Variants in EXOC6B observed in about 807,000 individuals in gnomAD.
The protein encoded by EXOC6B is SEC15 homolog B.
Under a neutral mutation model 113.5 loss-of-function variants are expected in EXOC6B, and 54 were observed. The observed-to-expected ratio is 0.48, with a 90% CI of 0.38 to 0.60. EXOC6B has a LOEUF of 0.60. Ranked by LOEUF, EXOC6B falls within the 20% of genes least tolerant of loss-of-function variation. EXOC6B has a pLI of 0.00. For missense variants in EXOC6B, 797 were observed against 977.5 expected, an observed-to-expected ratio of 0.82 and a Z score of 2.46; for synonymous variants, 357 against 339.0, an observed-to-expected ratio of 1.05 and a Z score of -0.58.
chr2:72,318,398 A>AT (rs558172381), intron 20 of EXOC6B, among the ~76,000 whole-genome samples: 149 of 146,488 alleles, frequency 1.0e-3, no homozygotes, highest in South Asian at 2.4e-3. Context: ...CTAGTTGTTA[A>AT]TTTTTTTTTT....
intron 6 of EXOC6B, among the ~76,000 whole-genome samples, chr2:72,650,359 T>C (rs1674071454): frequency 6.6e-6 from 1 of 152,162 alleles, no homozygotes; most frequent in South Asian, 2.1e-4. Context: ...CCCAGCACTT[T>C]GGGAGGCAGA....
intron 1 of EXOC6B, among the ~76,000 whole-genome samples, chr2:72,803,354 A>G (rs1685403618): frequency 6.6e-6 from 1 of 152,122 alleles, no homozygotes; most frequent in Non-Finnish European, 1.5e-5. Flanking sequence ...CCACACAATG[A>G]CAGAATCACA....
At chr2:72,371,546 C>T (rs1691017819) in intron 19 of EXOC6B, among the ~76,000 whole-genome samples, 1 of 152,256 alleles carries the variant, frequency 6.6e-6, no homozygotes, top group East Asian at 1.9e-4. Context: ...ACAAGTCAAT[C>T]AATGTGATAC....
rs985524326 is a variant in EXOC6B at position 72,438,072 on chromosome 2, T to C, written c.1980+27088A>G. Among the ~76,000 whole-genome samples, 5 of 152,296 alleles carry C rather than the reference T, an allele frequency of 3.3e-5. No homozygotes were observed. The East Asian group carries it at 9.6e-4, about 29-fold the overall frequency. ...ACATTAGGTACTCAATAAATGTTTA[T>C]TGAACTAAATTGAAAGCAGTGAACT... On this transcript the variant is annotated intron_variant, in intron 18 of 21. Coordinates refer to ENST00000272427, the MANE Select transcript of EXOC6B (RefSeq NM_015189.3).
In EXOC6B at chr2:72,765,286, CAA is replaced by C. The variant is rs1405799943; in HGVS notation, c.114-23819_114-23818del. Among the ~76,000 whole-genome samples the C allele has an allele frequency of 4.0e-5, 6 of 151,308 alleles. No individual in the cohort carries two copies. The South Asian group carries it at 1.3e-3, about 32-fold the overall frequency. On this transcript the variant is annotated intron_variant, in intron 1 of 21. Transcript: ENST00000272427. The stretch of plus-strand genomic sequence containing the variant: ...AGGGCAACAGAGCAACACCCTCTCT[CAA>C]AAAAAAATTTAAAATAAAAATAAAT...
chr2:72,725,584 G>A (rs1452374114), intron 5 of EXOC6B, among the ~76,000 whole-genome samples: 1 of 152,074 alleles, frequency 6.6e-6, no homozygotes, highest in Non-Finnish European at 1.5e-5. Flanking sequence ...TAGGGATGGG[G>A]TTTCACCATG....
chr2:72,225,049 G>A (rs1040559212), intron 20 of EXOC6B, among the ~76,000 whole-genome samples: 8 of 134,304 alleles, frequency 6.0e-5, no homozygotes, highest in Middle Eastern at 3.8e-3. Context: ...ATGGGGTTTC[G>A]CCATGTTGTC....
intron 6 of EXOC6B, among the ~76,000 whole-genome samples, chr2:72,598,291 A>G (rs1670201361): frequency 6.6e-6 from 1 of 152,114 alleles, no homozygotes; most frequent in African/African-American, 2.4e-5. Flanking sequence ...ATATTTTGAG[A>G]TTAAACAACA....
At chr2:72,657,063 C>A (rs180911828) in intron 6 of EXOC6B, among the ~76,000 whole-genome samples, 76 of 152,072 alleles carry the variant, frequency 5.0e-4, no homozygotes, top group Admixed American at 4.2e-3. Flanking sequence ...GTTGGTCAGG[C>A]TGATCTTGAA....
intron 19 of EXOC6B, among the ~76,000 whole-genome samples, chr2:72,377,876 A>AAT (rs973915570): frequency 5.3e-5 from 8 of 152,222 alleles, no homozygotes; most frequent in Admixed American, 2.0e-4. Flanking sequence ...TATATGAAGT[A>AAT]ATATATATAT....
rs560007043 is a variant in EXOC6B, at chr2:72,656,845, CTTATT to C, written c.669+61253_669+61257del. 3.8e-3 allele frequency among the ~76,000 whole-genome samples: 584 copies of C among 152,084 alleles called. 3 individuals are homozygous for C. The highest frequency in any genetic ancestry group is 5.9e-3 in the Non-Finnish European group (402 of 67,984). On this transcript the variant is annotated intron_variant, in intron 6 of 21. Coordinates refer to ENST00000272427, the MANE Select transcript of EXOC6B (RefSeq NM_015189.3). ...CATACACTAAATATTTATAACTTCA[CTTATT>C]TTATTTTATTTTATTTTTGAGACGG...
At chr2:72,680,951 C>T (rs1676659616) in intron 6 of EXOC6B, among the ~76,000 whole-genome samples, 2 of 152,132 alleles carry the variant, frequency 1.3e-5, no homozygotes, top group South Asian at 4.1e-4. Flanking sequence ...AGTGTGGACT[C>T]CCAGCCTCCA....
At chr2:72,798,392 A>C (rs1486503283) in intron 1 of EXOC6B, among the ~76,000 whole-genome samples, 3 of 152,186 alleles carry the variant, frequency 2.0e-5, no homozygotes, top group Admixed American at 6.5e-5. Flanking sequence ...AAATTTGAAT[A>C]CTTTTTTTAA....
At chr2:72,299,712 T>C (rs1686382722) in intron 20 of EXOC6B, among the ~76,000 whole-genome samples, 1 of 152,166 alleles carries the variant, frequency 6.6e-6, no homozygotes, top group South Asian at 2.1e-4. Flanking sequence ...GACCTTCAGA[T>C]GAGGTCTCTG....
intron 21 of EXOC6B, among the ~76,000 whole-genome samples, chr2:72,183,318 C>A (rs1234683117): frequency 6.6e-6 from 1 of 152,210 alleles, no homozygotes; most frequent in Non-Finnish European, 1.5e-5. Context: ...TGGTCTCTGA[C>A]CTGCCAGCTC....
At chr2:72,612,750 C>T (rs553722177) in intron 6 of EXOC6B, among the ~76,000 whole-genome samples, 216 of 152,286 alleles carry the variant, frequency 1.4e-3, no homozygotes, top group African/African-American at 4.9e-3. Flanking sequence ...GCTTCATCAG[C>T]CCTAGATGAC....
At chr2:72,530,998 T>A (rs1025430705) in intron 8 of EXOC6B, among the ~76,000 whole-genome samples, 6 of 152,156 alleles carry the variant, frequency 3.9e-5, no homozygotes. Flanking sequence ...ATAGACAATA[T>A]GTCTTAATCC....
chr2:72,559,737 G>A (rs561629936), intron 7 of EXOC6B, among the ~76,000 whole-genome samples: 4 of 152,252 alleles, frequency 2.6e-5, no homozygotes, highest in African/African-American at 7.2e-5. Context: ...ACCAAGGCTG[G>A]CACAAAGCCC....
intron 20 of EXOC6B, among the ~76,000 whole-genome samples, chr2:72,273,508 T>C (rs991197508): frequency 6.6e-6 from 1 of 152,040 alleles, no homozygotes; most frequent in East Asian, 1.9e-4. Context: ...TCAAGAAGTA[T>C]AGAGGGTGGG....
Sources: gnomAD v4.1 joint callset for allele counts (sites outside exome capture counted in the v4.1 genomes callset) on GRCh38, gnomAD v4.1.1 for gene constraint, MANE v1.5 for transcripts, NCBI Gene and HGNC (gene_info 2026-07-23, HGNC 2026-07-21) for gene names.